DST: variants seen among roughly 807,000 people sequenced by gnomAD.
The protein encoded by DST is dystonin.
DST carries 253 observed loss-of-function variants against 875.2 expected under a neutral mutation model. That is an observed-to-expected ratio of 0.29 (90% confidence interval 0.26 to 0.32). The LOEUF (loss-of-function observed/expected upper bound fraction) is 0.32. DST is among the 10% of genes least tolerant of loss of function. The pLI is 1.00. For synonymous variants in DST, 3,124 were observed against 3,197.1 expected, an observed-to-expected ratio of 0.98 and a Z score of 0.77; for missense variants, 8,287 against 9,111.6, an observed-to-expected ratio of 0.91 and a Z score of 3.68.
intron 7 of DST, among the ~76,000 whole-genome samples, chr6:56,702,363 G>A (rs2099312378): frequency 6.6e-6 from 1 of 151,178 alleles, no homozygotes. Context: ...TAGCAAGAGG[G>A]TTTTTATAAC....
intron 25 of DST, 40 bp from the exon 26 acceptor site, chr6:56,634,656 C>T (rs375154024): frequency 6.2e-7 from 1 of 1,612,488 alleles, no homozygotes; most frequent in African/African-American, 1.3e-5. Flanking sequence ...AATGAGGTCA[C>T]TGTTAACTGT....
At chr6:56,596,989 T>A (rs1032775552) in intron 47 of DST, among the ~76,000 whole-genome samples, 2 of 152,110 alleles carry the variant, frequency 1.3e-5, no homozygotes, top group African/African-American at 2.4e-5. Flanking sequence ...ATGCCTGTAA[T>A]CTCACCACTT....
intron 85 of DST, among the ~76,000 whole-genome samples, chr6:56,491,511 CTTTGTG>C (rs1231576340): frequency 3.3e-5 from 5 of 152,256 alleles, no homozygotes; most frequent in Admixed American, 3.3e-4. Context: ...AACTTTACCT[CTTTGTG>C]TTTAGTCTAG....
chr6:56,799,206 C>A (rs914054016), intron 4 of DST, among the ~76,000 whole-genome samples: 6 of 152,142 alleles, frequency 3.9e-5, no homozygotes, highest in African/African-American at 1.2e-4. Flanking sequence ...AACAGCATCA[C>A]AGGCTGGCTC....
At chr6:56,655,700 C>G (rs2099003768) in intron 10 of DST, among the ~76,000 whole-genome samples, 1 of 152,096 alleles carries the variant, frequency 6.6e-6, no homozygotes, top group Admixed American at 6.6e-5. Flanking sequence ...TTTCCTGACT[C>G]TTTTATTTGC....
intron 53 of DST, among the ~76,000 whole-genome samples, chr6:56,571,224 G>A (rs1438049046): frequency 2.0e-5 from 3 of 152,200 alleles, no homozygotes; most frequent in Non-Finnish European, 4.4e-5. Context: ...CAGAATACTG[G>A]CAGATAAGAA....
intron 48 of DST, among the ~76,000 whole-genome samples, chr6:56,592,900 C>T (rs2098304915): frequency 1.3e-5 from 2 of 150,800 alleles, no homozygotes; most frequent in South Asian, 4.2e-4. Context: ...TCAAAAAAAA[C>T]CTTTTACTTG....
chr6:56,904,868 C>T (rs1795688002), intron 2 of DST, among the ~76,000 whole-genome samples: 1 of 152,214 alleles, frequency 6.6e-6, no homozygotes, highest in African/African-American at 2.4e-5. Context: ...CGGCTCACTG[C>T]AACCGCCGCC....
chr6:56,790,426 T>C (rs2099717858), intron 4 of DST, among the ~76,000 whole-genome samples: 1 of 152,200 alleles, frequency 6.6e-6, no homozygotes, highest in African/African-American at 2.4e-5. Context: ...CATGCTACAT[T>C]TTAAAAACTG....
At chr6:56,722,244 A>G (rs958808901) in intron 5 of DST, among the ~76,000 whole-genome samples, 1 of 152,272 alleles carries the variant, frequency 6.6e-6, no homozygotes, top group African/African-American at 2.4e-5. Context: ...ATCAGCCCTT[A>G]ACTCCTTTAA....
chr6:56,824,099 A>G (rs1204849580), intron 4 of DST, among the ~76,000 whole-genome samples: 1 of 152,016 alleles, frequency 6.6e-6, no homozygotes, highest in Non-Finnish European at 1.5e-5. Flanking sequence ...GGCTCACTGC[A>G]ACCTCCCTGC....
intron 32 of DST, among the ~76,000 whole-genome samples, chr6:56,628,869 C>T (rs2098755048): frequency 6.6e-6 from 1 of 152,226 alleles, no homozygotes; most frequent in South Asian, 2.1e-4. Context: ...CATTTATTTA[C>T]ATTTCTTAAG....
chr6:56,610,626 G>A (rs2098536573), intron 38 of DST, 64 bp from the exon 39 acceptor site: 1 of 1,388,184 alleles, frequency 7.2e-7, no homozygotes, highest in Non-Finnish European at 9.7e-7. Context: ...AGATGTATTA[G>A]GTTCAATAAT....
chr6:56,635,044 A>C (rs1300510009), intron 24 of DST, 91 bp from the exon 25 acceptor site: 3 of 1,071,258 alleles, frequency 2.8e-6, no homozygotes, highest in Non-Finnish European at 4.1e-6. Context: ...TCATCAGAAA[A>C]GTCTTCTCTC....
At chr6:56,945,324 A>T (rs1166678187) in intron 2 of DST, among the ~76,000 whole-genome samples, 1 of 152,238 alleles carries the variant, frequency 6.6e-6, no homozygotes, top group Admixed American at 6.5e-5. Context: ...AATACAACGA[A>T]AGGCAGAGTC....
At chr6:56,657,010 A>C (rs1438980009) in intron 10 of DST, among the ~76,000 whole-genome samples, 2 of 152,134 alleles carry the variant, frequency 1.3e-5, no homozygotes, top group Non-Finnish European at 2.9e-5. Context: ...AATAGAAAGA[A>C]AGGCCTGGTT....
intron 90 of DST, 38 bp from the exon 91 acceptor site, chr6:56,477,526 T>C (rs753178215): frequency 1.8e-5 from 29 of 1,612,218 alleles, no homozygotes; most frequent in Middle Eastern, 1.6e-4. Flanking sequence ...ACTGTTGGCA[T>C]TGGCTGAAAA....
chr6:56,550,641 C>A (rs1584723418), intron 61 of DST, among the ~76,000 whole-genome samples: 1 of 152,180 alleles, frequency 6.6e-6, no homozygotes, highest in East Asian at 1.9e-4. Flanking sequence ...CATTGTCTTA[C>A]AAGTAGTTAG....
At chr6:56,690,256 C>A (rs1235365567) in intron 9 of DST, among the ~76,000 whole-genome samples, 1 of 152,114 alleles carries the variant, frequency 6.6e-6, no homozygotes, top group Non-Finnish European at 1.5e-5. Flanking sequence ...TTGCCTATTT[C>A]ATAGAGTTGT....
Sources: allele counts gnomAD v4.1 joint callset (sites outside exome capture counted in the v4.1 genomes callset), GRCh38; gene constraint gnomAD v4.1.1; transcripts MANE v1.5; gene names NCBI Gene and HGNC (gene_info 2026-07-23, HGNC 2026-07-21).